The following FCHSD2 variants were observed in gnomAD, a reference collection of about 807,000 sequenced individuals.
FCHSD2 encodes the protein FCH and double SH3 domains 2.
Under a neutral mutation model 108.1 loss-of-function variants are expected in FCHSD2, and 38 were observed. The ratio of observed to expected loss-of-function variants is 0.35; its 90% confidence interval spans 0.27 to 0.46. FCHSD2 has a LOEUF of 0.46. Among genes scored for constraint, FCHSD2 ranks in the 20% least tolerant of loss-of-function variants. The pLI is 1.00. For missense variants in FCHSD2, 751 were observed against 897.8 expected (o/e 0.84, Z 2.09); for synonymous variants, 279 against 314.7 (o/e 0.89, Z 1.20).
At chr11:73,040,742 C>T (rs568396475) in intron 3 of FCHSD2, among the ~76,000 whole-genome samples, 2 of 152,286 alleles carry the variant, frequency 1.3e-5, no homozygotes, top group East Asian at 3.8e-4. Context: ...TATTTCAAAT[C>T]ATGTATTCTA....
intron 2 of FCHSD2, among the ~76,000 whole-genome samples, chr11:73,106,682 T>C (rs1037824393): frequency 6.6e-6 from 1 of 152,050 alleles, no homozygotes; most frequent in Admixed American, 6.6e-5. Flanking sequence ...CCCCAAAAAT[T>C]AGAATACCAT....
At chr11:73,141,549 C>T (rs903111516) in intron 1 of FCHSD2, among the ~76,000 whole-genome samples, 7 of 152,240 alleles carry the variant, frequency 4.6e-5, no homozygotes, top group African/African-American at 1.7e-4. Flanking sequence ...CGGTGCAGCC[C>T]CGAGAATGCA....
intron 10 of FCHSD2, among the ~76,000 whole-genome samples, chr11:72,894,099 T>A (rs1031450521): frequency 4.6e-5 from 7 of 152,226 alleles, no homozygotes; most frequent in African/African-American, 1.7e-4. Flanking sequence ...TCATGTATGA[T>A]GAATGAAAAT....
At chr11:72,965,545 T>A (rs996469438) in intron 8 of FCHSD2, among the ~76,000 whole-genome samples, 1 of 152,232 alleles carries the variant, frequency 6.6e-6, no homozygotes, top group Non-Finnish European at 1.5e-5. Flanking sequence ...AGTATTTTTT[T>A]AAAACTCAAT....
At chr11:73,097,705 TTG>T (rs995213244) in intron 2 of FCHSD2, among the ~76,000 whole-genome samples, 15 of 151,998 alleles carry the variant, frequency 9.9e-5, no homozygotes, top group South Asian at 4.1e-4. Context: ...TTTTAGTAAT[TTG>T]TGTGTTTCTA....
chr11:73,063,109 C>A (rs1166482460), intron 3 of FCHSD2, among the ~76,000 whole-genome samples: 7 of 152,126 alleles, frequency 4.6e-5, no homozygotes, highest in African/African-American at 1.4e-4. Flanking sequence ...ACCCTACAAG[C>A]CAGAAGAGAG....
chr11:73,134,854 G>GT (rs1452495459), intron 2 of FCHSD2, among the ~76,000 whole-genome samples: 2 of 151,784 alleles, frequency 1.3e-5, no homozygotes, highest in African/African-American at 2.4e-5. Context: ...TTGGTTTTTG[G>GT]TTTTTTTTGA....
chr11:72,996,367 G>A (rs1857519204), intron 5 of FCHSD2, among the ~76,000 whole-genome samples: 1 of 152,136 alleles, frequency 6.6e-6, no homozygotes, highest in African/African-American at 2.4e-5. Context: ...ACTCTAAAGT[G>A]TTATACAAAT....
chr11:72,889,994 A>G (rs1228116161), intron 10 of FCHSD2, 49 bp from the exon 11 acceptor site: 2 of 1,150,678 alleles, frequency 1.7e-6, no homozygotes, highest in Non-Finnish European at 2.6e-6. Context: ...TCCTTATTGT[A>G]ACCACTACTG....
rs72979428 is a variant in FCHSD2, at chr11:72,935,344, G to T, written c.706-13394C>A. Among the ~76,000 whole-genome samples, 1,161 of 152,274 alleles carry T rather than the reference G, an allele frequency of 7.6e-3. 12 individuals carry two copies. Among genetic ancestry groups the T allele is most frequent in the African/African-American group, 0.027 (1,101 of 41,546 alleles). ...ATCCAGGAGGGGCACAGATTCTTCA[G>T]CAATAAAGTTTTGCTGAAATCTCTT... On this transcript the variant is annotated intron_variant, in intron 8 of 19. Coordinates refer to ENST00000409418, the MANE Select transcript of FCHSD2 (RefSeq NM_014824.3).
At chr11:73,040,277 T>C (rs561553907) in intron 3 of FCHSD2, among the ~76,000 whole-genome samples, 3 of 152,308 alleles carry the variant, frequency 2.0e-5, no homozygotes, top group South Asian at 4.1e-4. Flanking sequence ...GCCCTCCTAC[T>C]AGAAGCTGTA....
rs184924455 is a variant in FCHSD2 at position 73,139,972 on chromosome 11, C to T, written c.119+59G>A. 49 of 951,580 alleles carry T rather than the reference C, an allele frequency of 5.1e-5. No homozygotes were observed. In the Admixed American group the frequency reaches 1.5e-3, roughly 29 times the overall value. The allele number at this position is 951,580 out of a possible 1,614,324, so 58.9% of individuals were successfully genotyped here. A position where few individuals can be genotyped will look rare whatever the true frequency, so the allele number is the denominator to read the frequency against. Reference sequence around the variant, plus strand: ...ATCATCAGTTCCTGGGGCTTGGTAACTCAAAGGTTCTTTGAAACAGACAAA... The same window carrying T: ...ATCATCAGTTCCTGGGGCTTGGTAATTCAAAGGTTCTTTGAAACAGACAAA... On this transcript the variant is annotated intron_variant, in intron 2 of 19. Coordinates refer to ENST00000409418, the MANE Select transcript of FCHSD2 (RefSeq NM_014824.3).
chr11:73,006,551 C>T lies in FCHSD2; in HGVS notation c.243-5417G>A, dbSNP rs115718387. On this transcript the variant is annotated intron_variant, in intron 4 of 19. Transcript: ENST00000409418. ...TCCACTGTGACTACCCCGCTTTGAGCCACCCTCACCTTATGCCTAGATTAC... is the reference window on the plus strand; with the variant it reads ...TCCACTGTGACTACCCCGCTTTGAGTCACCCTCACCTTATGCCTAGATTAC... 1.2e-3 allele frequency among the ~76,000 whole-genome samples: 177 copies of T among 152,330 alleles called. 1 individual carries two copies. Among genetic ancestry groups the T allele is most frequent in the African/African-American group, 4.1e-3 (170 of 41,562 alleles).
rs977547364 is a variant in FCHSD2, at chr11:73,011,339, G to A, written c.242+4470C>T. On this transcript the variant is annotated intron_variant, in intron 4 of 19. Transcript: ENST00000409418. ...ACTGGAAAAGGGAGGGCTACCTTCT[G>A]AGCTGGAAGCCTAGGCTAGCAGGTG... 1.1e-4 allele frequency among the ~76,000 whole-genome samples: 17 copies of A among 152,136 alleles called. No homozygotes were observed. The East Asian group carries it at 2.7e-3, about 24-fold the overall frequency.
intron 19 of FCHSD2, 34 bp downstream of exon 19, chr11:72,840,843 T>C (rs142724039): frequency 1.3e-5 from 19 of 1,439,064 alleles, no homozygotes; most frequent in Middle Eastern, 1.8e-4. Context: ...GGAAGAACTA[T>C]GCATTCGATA....
At chr11:73,046,821 G>C (rs1373584116) in intron 3 of FCHSD2, among the ~76,000 whole-genome samples, 2 of 152,068 alleles carry the variant, frequency 1.3e-5, no homozygotes, top group African/African-American at 4.8e-5. Flanking sequence ...GGCCAAAAAC[G>C]ATCCTCCTAC....
At chr11:72,983,301 A>T (rs937152609) in intron 8 of FCHSD2, among the ~76,000 whole-genome samples, 3 of 151,432 alleles carry the variant, frequency 2.0e-5, no homozygotes, top group African/African-American at 7.3e-5. Flanking sequence ...CTCAAAAAAA[A>T]AAAAAAATAA....
chr11:73,028,531 A>G lies in FCHSD2; in HGVS notation c.166-12646T>C, dbSNP rs151307612. On this transcript the variant is annotated intron_variant, in intron 3 of 19. Coordinates refer to ENST00000409418, the MANE Select transcript of FCHSD2 (RefSeq NM_014824.3). ...GGCAGAAGGGACTTCCTTGTCTCAG[A>G]TGAGACTTTGGCCTTGGACTTTTGG... Among the ~76,000 whole-genome samples, 519 of 152,300 alleles carry G rather than the reference A, an allele frequency of 3.4e-3. 4 individuals are homozygous for G. Among genetic ancestry groups the G allele is most frequent in the African/African-American group, 0.012 (495 of 41,558 alleles).
At chr11:72,944,264 T>C (rs1178815434) in intron 8 of FCHSD2, among the ~76,000 whole-genome samples, 1 of 152,168 alleles carries the variant, frequency 6.6e-6, no homozygotes, top group Non-Finnish European at 1.5e-5. Context: ...TCAATAAACA[T>C]AATCCAGCAT....
Sources: allele counts gnomAD v4.1 joint callset (sites outside exome capture counted in the v4.1 genomes callset), GRCh38; gene constraint gnomAD v4.1.1; transcripts MANE v1.5; gene names NCBI Gene and HGNC (gene_info 2026-07-23, HGNC 2026-07-21).